The following INPP5D variants were observed in gnomAD, a reference collection of about 807,000 sequenced individuals.
The protein encoded by INPP5D is phosphatidylinositol 3,4,5-trisphosphate 5-phosphatase 1.
INPP5D carries 33 observed loss-of-function variants against 122.9 expected under a neutral mutation model. The ratio of observed to expected loss-of-function variants is 0.27; its 90% CI spans 0.20 to 0.36. The LOEUF (loss-of-function observed/expected upper bound fraction) is 0.36. INPP5D is among the 10% of genes least tolerant of loss of function. The probability of loss-of-function intolerance (pLI) is 1.00; values close to 1 mark genes in which losing one functional copy is unlikely to be tolerated. For synonymous variants in INPP5D, 584 were observed against 576.2 expected (o/e 1.01, Z -0.19); for missense variants, 1,053 against 1,412.7 (o/e 0.75, Z 4.08).
chr2:233,158,740 C>A (rs1041664915), intron 10 of INPP5D, among the ~76,000 whole-genome samples: 3 of 150,878 alleles, frequency 2.0e-5, no homozygotes, highest in African/African-American at 7.3e-5. Context: ...CTGGGCTGGA[C>A]TTGGGAAATC....
chr2:233,166,172 C>T (rs1384198571), intron 13 of INPP5D, among the ~76,000 whole-genome samples: 1 of 152,200 alleles, frequency 6.6e-6, no homozygotes, highest in African/African-American at 2.4e-5. Flanking sequence ...CCAGCAACCG[C>T]CCCGGGTGTG....
intron 2 of INPP5D, among the ~76,000 whole-genome samples, chr2:233,090,428 T>C (rs150927253): frequency 3.7e-3 from 567 of 152,266 alleles, no homozygotes; most frequent in Middle Eastern, 0.014. Context: ...CTGGTGGCCA[T>C]CAGGATGCCC....
chr2:233,203,727 C>T (rs1695400663), intron 25 of INPP5D, among the ~76,000 whole-genome samples: 4 of 152,072 alleles, frequency 2.6e-5, no homozygotes, highest in Admixed American at 2.6e-4. Context: ...CTCCCCATCT[C>T]TACAGAATAA....
At chr2:233,173,952 T>C (rs1481304270) in intron 17 of INPP5D, among the ~76,000 whole-genome samples, 1 of 150,066 alleles carries the variant, frequency 6.7e-6, no homozygotes, top group Non-Finnish European at 1.5e-5. Flanking sequence ...ACAAAAACCA[T>C]AAATGCACAC....
chr2:233,087,092 T>C (rs1691872623), intron 2 of INPP5D, among the ~76,000 whole-genome samples: 1 of 152,220 alleles, frequency 6.6e-6, no homozygotes, highest in Non-Finnish European at 1.5e-5. Context: ...ATGGTTTCGC[T>C]TCTCATCTTG....
intron 5 of INPP5D, chr2:233,133,966 A>C (rs1388376866): frequency 6.6e-6 from 3 of 456,250 alleles, no homozygotes; most frequent in African/African-American, 6.0e-5. Flanking sequence ...AAATGACCCA[A>C]TGGCTGGGGG....
chr2:233,173,288 C>T (rs1490943975), intron 17 of INPP5D, among the ~76,000 whole-genome samples: 2 of 151,402 alleles, frequency 1.3e-5, no homozygotes, highest in African/African-American at 4.9e-5. Flanking sequence ...TTGGAAGTTG[C>T]TCTGGGTGAG....
intron 5 of INPP5D, among the ~76,000 whole-genome samples, chr2:233,139,276 G>T (rs920570742): frequency 1.3e-5 from 2 of 152,128 alleles, no homozygotes; most frequent in South Asian, 2.1e-4. Context: ...AACAAAGAGC[G>T]CATAAAGCCC....
intron 2 of INPP5D, among the ~76,000 whole-genome samples, chr2:233,102,415 C>A (rs1374435410): frequency 6.6e-6 from 1 of 152,132 alleles, no homozygotes; most frequent in South Asian, 2.1e-4. Context: ...TCACTCACAC[C>A]AAGTTTCACA....
chr2:233,178,258 T>C lies in INPP5D; in HGVS notation c.2071+912T>C, dbSNP rs1694697205. Among the ~76,000 whole-genome samples, 3 of 151,974 alleles carry C rather than the reference T, an allele frequency of 2.0e-5. No homozygotes were observed. The South Asian group carries it at 6.2e-4, about 31-fold the overall frequency. Reference sequence around the variant, plus strand: ...ACCAGCCTGGGCAACGTAGACTCCATCTCTGAAAAAAATGAAAGAAAGAAA... The same window carrying C: ...ACCAGCCTGGGCAACGTAGACTCCACCTCTGAAAAAAATGAAAGAAAGAAA... On this transcript the variant is annotated intron_variant, in intron 18 of 26. Coordinates refer to ENST00000445964, the MANE Select transcript of INPP5D (RefSeq NM_001017915.3).
At chr2:233,061,740 A>G (rs1459773900) in intron 1 of INPP5D, among the ~76,000 whole-genome samples, 2 of 152,202 alleles carry the variant, frequency 1.3e-5, no homozygotes, top group Non-Finnish European at 1.5e-5. Flanking sequence ...AGGCCCTGGC[A>G]GGTTAAGTGA....
intron 9 of INPP5D, among the ~76,000 whole-genome samples, chr2:233,154,547 C>G (rs902194222): frequency 2.2e-4 from 34 of 152,228 alleles, no homozygotes; most frequent in African/African-American, 8.2e-4. Flanking sequence ...TGGAAATTAT[C>G]ACCAGACCAA....
At chr2:233,158,451 T>C in intron 10 of INPP5D, 32 bp downstream of exon 10, 1 of 692,928 alleles carries the variant, frequency 1.4e-6, no homozygotes, top group Non-Finnish European at 2.6e-6. Context: ...AAATGGGCTG[T>C]GAGGTAGGGA....
At chr2:233,110,934 A>ATC (rs1553574240) in intron 2 of INPP5D, among the ~76,000 whole-genome samples, 1 of 126,128 alleles carries the variant, frequency 7.9e-6, no homozygotes, top group African/African-American at 4.0e-5. Context: ...CTTAAAAAAA[A>ATC]AACAACAAAA....
At chr2:233,140,242 G>A (rs1693603510) in intron 6 of INPP5D, 3 of 173,230 alleles carry the variant, frequency 1.7e-5, no homozygotes, top group African/African-American at 7.2e-5. Context: ...AAACTGAAAG[G>A]AAAGAAAAAG....
chr2:233,182,813 G>C (rs975729924), intron 19 of INPP5D, among the ~76,000 whole-genome samples: 1 of 152,002 alleles, frequency 6.6e-6, no homozygotes. Context: ...GGAGGAGGGG[G>C]CGGGGGACAT....
intron 4 of INPP5D, 25 bp from the exon 5 acceptor site, chr2:233,130,483 T>C: frequency 6.2e-7 from 1 of 1,610,958 alleles, no homozygotes; most frequent in Non-Finnish European, 8.5e-7. Flanking sequence ...GCAAGCATAG[T>C]TTGTTTCTTT....
At chr2:233,140,790 T>A (rs984546706) in intron 6 of INPP5D, 1 of 152,226 alleles carries the variant, frequency 6.6e-6, no homozygotes, top group Non-Finnish European at 1.5e-5. Context: ...TGCCCCAGCC[T>A]TCTGAAGTGC....
At chr2:233,071,732 T>A (rs1278776192) in intron 1 of INPP5D, among the ~76,000 whole-genome samples, 1 of 152,250 alleles carries the variant, frequency 6.6e-6, no homozygotes, top group Non-Finnish European at 1.5e-5. Context: ...TTTATTGTTA[T>A]AATTTCTTCT....
Sources: allele counts gnomAD v4.1 joint callset (sites outside exome capture counted in the v4.1 genomes callset), GRCh38; gene constraint gnomAD v4.1.1; transcripts MANE v1.5; gene names NCBI Gene and HGNC (gene_info 2026-07-23, HGNC 2026-07-21).